Variants in LRRTM4 observed in about 807,000 individuals in gnomAD.
LRRTM4 encodes the protein leucine-rich repeat transmembrane neuronal protein 4.
Under a neutral mutation model 47.6 loss-of-function variants are expected in LRRTM4, and 25 were observed. The ratio of observed to expected loss-of-function variants is 0.53; its 90% CI spans 0.38 to 0.73. LRRTM4 has a LOEUF of 0.73. Among genes scored for constraint, LRRTM4 ranks in the 30% least tolerant of loss-of-function variants. The pLI, the probability that LRRTM4 is intolerant of heterozygous loss-of-function variation, is 0.00. For missense variants in LRRTM4, 638 were observed against 713.4 expected, an observed-to-expected ratio of 0.89 and a Z score of 1.20; for synonymous variants, 311 against 269.5, an observed-to-expected ratio of 1.15 and a Z score of -1.51.
chr2:76,977,130 C>G (rs1676449137), intron 3 of LRRTM4, among the ~76,000 whole-genome samples: 1 of 151,382 alleles, frequency 6.6e-6, no homozygotes, highest in Non-Finnish European at 1.5e-5. Context: ...TTGGGTTTTT[C>G]TTACTTCTGC....
At chr2:76,775,893 G>A (rs1673957851) in intron 3 of LRRTM4, among the ~76,000 whole-genome samples, 1 of 151,924 alleles carries the variant, frequency 6.6e-6, no homozygotes, top group African/African-American at 2.4e-5. Flanking sequence ...GTCTCCCAAT[G>A]CTATCCCTCC....
chr2:77,045,855 C>T (rs1679217615), intron 3 of LRRTM4, among the ~76,000 whole-genome samples: 1 of 151,814 alleles, frequency 6.6e-6, no homozygotes, highest in African/African-American at 2.4e-5. Context: ...TGATATCCAG[C>T]CCATAATCAA....
At chr2:76,979,081 A>G (rs115208323) in intron 3 of LRRTM4, among the ~76,000 whole-genome samples, 26 of 152,158 alleles carry the variant, frequency 1.7e-4, no homozygotes, top group Admixed American at 9.8e-4. Context: ...TAAGTGGTCA[A>G]TGAGGATACC....
Position 77,005,252 on chromosome 2 carries a change from C to T in LRRTM4, c.1552-256336G>A, listed in dbSNP as rs548645718. Among the ~76,000 whole-genome samples, 15 of 152,268 alleles carry T rather than the reference C, an allele frequency of 9.9e-5. No homozygotes were observed. The South Asian group carries it at 2.7e-3, about 27-fold the overall frequency. ...CTCTGCTGCCCTGGTTCAAGGGATT[C>T]GCCTGCCTCAGCCTCCTGAGTAGCT... On this transcript the variant is annotated intron_variant, in intron 3 of 3. Transcript: ENST00000409884.
At chr2:76,755,926 C>T (rs1673013782) in intron 3 of LRRTM4, among the ~76,000 whole-genome samples, 1 of 152,108 alleles carries the variant, frequency 6.6e-6, no homozygotes, top group Admixed American at 6.6e-5. Context: ...GGAGGTCAGA[C>T]ATGCCTCATT....
chr2:77,451,956 A>C (rs1322170746), intron 3 of LRRTM4, among the ~76,000 whole-genome samples: 1 of 152,168 alleles, frequency 6.6e-6, no homozygotes, highest in African/African-American at 2.4e-5. Context: ...TAAAATTACT[A>C]ATGCTTCTGG....
chr2:77,486,734 G>A (rs1325546160), intron 3 of LRRTM4, among the ~76,000 whole-genome samples: 1 of 152,134 alleles, frequency 6.6e-6, no homozygotes, highest in East Asian at 1.9e-4. Flanking sequence ...TTAATCACTG[G>A]CCTATGTATA....
intron 3 of LRRTM4, among the ~76,000 whole-genome samples, chr2:77,066,237 G>A (rs1005543060): frequency 6.6e-6 from 1 of 150,840 alleles, no homozygotes; most frequent in African/African-American, 2.4e-5. Flanking sequence ...TAGTACGTAG[G>A]TTTTTATGTG....
chr2:77,032,510 C>A (rs1318834238), intron 3 of LRRTM4, among the ~76,000 whole-genome samples: 1 of 151,848 alleles, frequency 6.6e-6, no homozygotes, highest in Non-Finnish European at 1.5e-5. Context: ...CAGAAATTGG[C>A]ACAAAATAGA....
At position 77,239,901 on chromosome 2, in the gene LRRTM4, T is replaced by G. The variant is rs186607214; in HGVS notation, c.1551+278417A>C. Among the ~76,000 whole-genome samples, 7 of 151,974 alleles carry G rather than the reference T, an allele frequency of 4.6e-5. No homozygotes were observed. The East Asian group carries it at 1.2e-3, about 25-fold the overall frequency. ...TGGAAGCCCTTAGGAACATTATTTG[T>G]TATTCACCTTATTAAATCATTACAT... On this transcript the variant is annotated intron_variant, in intron 3 of 3. Transcript: ENST00000409884.
intron 3 of LRRTM4, among the ~76,000 whole-genome samples, chr2:77,401,724 C>A (rs1490726803): frequency 6.6e-6 from 1 of 151,928 alleles, no homozygotes; most frequent in Non-Finnish European, 1.5e-5. Context: ...AAAGGAAAAT[C>A]ATCTTTCTAG....
intron 3 of LRRTM4, among the ~76,000 whole-genome samples, chr2:77,336,890 C>A (rs551684654): frequency 6.6e-6 from 1 of 152,060 alleles, no homozygotes; most frequent in East Asian, 1.9e-4. Context: ...GACAATGAAC[C>A]AAAAGACATC....
chr2:77,157,579 A>G (rs1421925605), intron 3 of LRRTM4, among the ~76,000 whole-genome samples: 3 of 152,166 alleles, frequency 2.0e-5, no homozygotes, highest in South Asian at 2.1e-4. Context: ...TTTTTTTGAT[A>G]CTGATATTTA....
At chr2:77,071,335 G>T (rs1680149289) in intron 3 of LRRTM4, among the ~76,000 whole-genome samples, 1 of 151,974 alleles carries the variant, frequency 6.6e-6, no homozygotes, top group East Asian at 1.9e-4. Flanking sequence ...ATTTTGTTAT[G>T]GTTATCCAGA....
chr2:77,500,506 T>C (rs989522436), intron 3 of LRRTM4, among the ~76,000 whole-genome samples: 1 of 151,086 alleles, frequency 6.6e-6, no homozygotes, highest in African/African-American at 2.4e-5. Context: ...AGAAAACTTA[T>C]CATATTCATA....
chr2:77,445,692 T>A (rs1676025777), intron 3 of LRRTM4, among the ~76,000 whole-genome samples: 1 of 152,032 alleles, frequency 6.6e-6, no homozygotes, highest in South Asian at 2.1e-4. Context: ...TTACAATACA[T>A]TTGGGGTCCT....
intron 3 of LRRTM4, among the ~76,000 whole-genome samples, chr2:77,023,544 T>G (rs1389840954): frequency 6.6e-6 from 1 of 152,330 alleles, no homozygotes; most frequent in Non-Finnish European, 1.5e-5. Context: ...AAGTAACCTC[T>G]TGAATGCTTT....
At chr2:76,766,797 C>T (rs7559342) in intron 3 of LRRTM4, among the ~76,000 whole-genome samples, 1,570 of 152,248 alleles carry the variant, frequency 0.01, 25 homozygotes, top group African/African-American at 0.036. Flanking sequence ...TTGAGGTCTA[C>T]TGGCATCTAG....
intron 3 of LRRTM4, among the ~76,000 whole-genome samples, chr2:76,795,012 A>ACCAGAT (rs1675195255): frequency 6.6e-6 from 1 of 152,350 alleles, no homozygotes; most frequent in South Asian, 2.1e-4. Flanking sequence ...GAAAAATATT[A>ACCAGAT]CCAGATTTTA....
Sources: gnomAD v4.1 joint callset for allele counts (sites outside exome capture counted in the v4.1 genomes callset) on GRCh38, gnomAD v4.1.1 for gene constraint, MANE v1.5 for transcripts, NCBI Gene and HGNC (gene_info 2026-07-23, HGNC 2026-07-21) for gene names.